LIN54: variants seen among roughly 807,000 people sequenced by gnomAD.
The protein encoded by LIN54 is protein lin-54 homolog.
LIN54 carries 9 observed loss-of-function variants against 78.7 expected under a neutral mutation model. The observed-to-expected ratio is 0.11, with a 90% CI of 0.07 to 0.20. The LOEUF (loss-of-function observed/expected upper bound fraction) is 0.20. Ranked by LOEUF, LIN54 falls within the 10% of genes least tolerant of loss-of-function variation. The probability of loss-of-function intolerance (pLI) is 1.00; values close to 1 mark genes in which losing one functional copy is unlikely to be tolerated. For synonymous variants in LIN54, 269 were observed against 318.4 expected (o/e 0.84, Z 1.65); for missense variants, 573 against 889.9 (o/e 0.64, Z 4.53).
chr4:82,928,416 AT>A (rs1721663134), intron 12 of LIN54, 113 bp from the exon 13 acceptor site: 1 of 838,210 alleles, frequency 1.2e-6, no homozygotes, highest in Non-Finnish European at 2.0e-6. Flanking sequence ...CACCAGCAGG[AT>A]GAGCATCACA....
intron 11 of LIN54, 39 bp downstream of exon 11, chr4:82,935,940 CTG>C (rs1722361835): frequency 1.3e-6 from 2 of 1,596,834 alleles, no homozygotes; most frequent in African/African-American, 2.7e-5. Context: ...CTTTCTAAAA[CTG>C]TTTTTAAAAG....
chr4:82,946,486 T>C lies in LIN54; in HGVS notation c.952-12A>G. 6.3e-7 allele frequency: 1 copy of C among 1,583,124 alleles called. No homozygotes were observed. Among genetic ancestry groups the C allele is most frequent in the Non-Finnish European group, 8.7e-7 (1 of 1,151,842 alleles). On this transcript the variant is annotated splice_polypyrimidine_tract_variant and intron_variant, in intron 4 of 12. Coordinates refer to ENST00000340417, the MANE Select transcript of LIN54 (RefSeq NM_194282.4). Reference sequence around the variant, plus strand: ...GTTGATTTCACTGCCTATTAAACAATACAACATGGCTGTCATTAATCTGGG... The same window carrying C: ...GTTGATTTCACTGCCTATTAAACAACACAACATGGCTGTCATTAATCTGGG...
intron 1 of LIN54, chr4:83,003,485 G>A (rs1263435066): frequency 6.6e-6 from 1 of 152,138 alleles, no homozygotes; most frequent in Middle Eastern, 3.4e-3. Context: ...GCACAAGGAC[G>A]ACATGCAAAT....
In LIN54 at chr4:83,010,676, A is replaced by ACGTCGC; in HGVS notation, c.-231_-226dup. ...GACCGAGAAGGGAGCCGGGGTGGCGACGTCGCCGTCGCCGCCGCCTCTGGT... is the reference window on the plus strand; with the variant it reads ...GACCGAGAAGGGAGCCGGGGTGGCGACGTCGCCGTCGCCGTCGCCGCCGCCTCTGGT... On this transcript the variant is annotated 5_prime_UTR_variant, in exon 1 of 13. Coordinates refer to ENST00000340417, the MANE Select transcript of LIN54 (RefSeq NM_194282.4). 2 of 1,109,530 alleles carry ACGTCGC rather than the reference A, an allele frequency of 1.8e-6. No homozygotes were observed. Among genetic ancestry groups the ACGTCGC allele is most frequent in the Non-Finnish European group, 2.2e-6 (2 of 909,866 alleles). 68.7% of individuals were successfully genotyped at this position (1,109,530 alleles called of 1,614,324 possible). A position where few individuals can be genotyped will look rare whatever the true frequency, so the allele number is the denominator to read the frequency against.
rs774298762 is a variant in LIN54 at position 82,939,940 on chromosome 4, T to C, written c.1191A>G (p.Thr397=). ...TTGGAACTGACATCCGCACTGGGGT[T>C]GTATTAACAACCACTGGCTTTGCTT... ...LQQAKPVVVN[T]TPVRMSVPIV... is the part of the protein sequence containing the mutation. The change falls in exon 6 of 13, where the codon ACA becomes ACG. Residue 397 remains threonine (T), a synonymous_variant. Coordinates refer to ENST00000340417, the MANE Select transcript of LIN54 (RefSeq NM_194282.4). The C allele has an allele frequency of 6.2e-7, 1 of 1,607,816 alleles. No individual in the cohort carries two copies. The highest frequency in any genetic ancestry group is 8.5e-7 in the Non-Finnish European group (1 of 1,178,290).
At chr4:82,964,892 G>A in intron 4 of LIN54, among the ~76,000 whole-genome samples, 1 of 152,104 alleles carries the variant, frequency 6.6e-6, no homozygotes, top group East Asian at 1.9e-4. Flanking sequence ...TAGCTACTGG[G>A]GAAGCTGAGG....
chr4:82,952,428 C>T (rs2126051447), intron 4 of LIN54, among the ~76,000 whole-genome samples: 1 of 152,246 alleles, frequency 6.6e-6, no homozygotes, highest in African/African-American at 2.4e-5. Flanking sequence ...AAGATACTAC[C>T]TCACATCCAT....
intron 1 of LIN54, among the ~76,000 whole-genome samples, chr4:82,992,602 C>G (rs1345915717): frequency 6.6e-6 from 1 of 152,168 alleles, no homozygotes; most frequent in African/African-American, 2.4e-5. Context: ...GCAAGCAAAC[C>G]ACGACACAGT....
chr4:82,954,378 A>T (rs1169163163), intron 4 of LIN54, among the ~76,000 whole-genome samples: 2 of 150,178 alleles, frequency 1.3e-5, no homozygotes, highest in Non-Finnish European at 3.0e-5. Flanking sequence ...AATAATTTTT[A>T]AAAATACAAA....
At chr4:82,935,887 C>A in intron 11 of LIN54, 94 bp downstream of exon 11, 2 of 1,251,878 alleles carry the variant, frequency 1.6e-6, no homozygotes, top group Non-Finnish European at 2.3e-6. Context: ...ATTGCAATAG[C>A]AAGGTGATTT....
intron 2 of LIN54, among the ~76,000 whole-genome samples, chr4:82,982,129 A>G (rs186138385): frequency 3.3e-5 from 5 of 152,310 alleles, no homozygotes; most frequent in Admixed American, 2.6e-4. Flanking sequence ...AAGTAGAGAA[A>G]TAATAGATAC....
rs757261177 is a variant in LIN54, at chr4:82,984,809, A to C, written c.36T>G (p.Leu12=). ...EVVPAEVNSL[L]PEEIMDTGIT... ...TACCAGTGTCCATTATTTCCTCTGG[A>C]AGCAAACTATTCACCTCAGCTGGCA... Residue 12 remains leucine (L), a synonymous_variant, in exon 2 of 13, where the codon CTT becomes CTG. Coordinates refer to ENST00000340417, the MANE Select transcript of LIN54 (RefSeq NM_194282.4). 3.1e-6 allele frequency: 5 copies of C among 1,613,384 alleles called. No individual in the cohort carries two copies.
At chr4:82,987,723 T>C (rs987068411) in intron 1 of LIN54, among the ~76,000 whole-genome samples, 1 of 152,256 alleles carries the variant, frequency 6.6e-6, no homozygotes, top group Non-Finnish European at 1.5e-5. Flanking sequence ...TTCCTTTTTA[T>C]GGCTGCATAG....
intron 4 of LIN54, among the ~76,000 whole-genome samples, chr4:82,948,567 T>TA (rs1723595762): frequency 6.6e-6 from 1 of 152,248 alleles, no homozygotes; most frequent in African/African-American, 2.4e-5. Context: ...CAAGGGCAGT[T>TA]AAAATCTACT....
chr4:82,948,444 A>G (rs1049418941), intron 4 of LIN54, among the ~76,000 whole-genome samples: 1 of 152,230 alleles, frequency 6.6e-6, no homozygotes, highest in African/African-American at 2.4e-5. Context: ...TATTTAAGGT[A>G]TATCACATGA....
intron 1 of LIN54, among the ~76,000 whole-genome samples, chr4:83,000,840 T>TTTTTTTTTTTTTTTG (rs70943183): frequency 6.7e-6 from 1 of 150,236 alleles, no homozygotes; most frequent in African/African-American, 2.5e-5. Context: ...TTTTTTTTTT[T>TTTTTTTTTTTTTTTG]GGAGATAGAG....
intron 1 of LIN54, among the ~76,000 whole-genome samples, chr4:83,002,663 G>A (rs957821978): frequency 1.3e-5 from 2 of 152,156 alleles, no homozygotes; most frequent in African/African-American, 2.4e-5. Flanking sequence ...AGACAAGGAT[G>A]AGGACCTTTA....
chr4:83,001,811 G>C (rs1728799669), intron 1 of LIN54, among the ~76,000 whole-genome samples: 1 of 138,688 alleles, frequency 7.2e-6, no homozygotes, highest in Non-Finnish European at 1.5e-5. Context: ...TCGCACCACT[G>C]CACTCCAGCC....
chr4:83,009,517 A>T (rs935022251), intron 1 of LIN54, among the ~76,000 whole-genome samples: 3 of 152,212 alleles, frequency 2.0e-5, no homozygotes, highest in Non-Finnish European at 2.9e-5. Context: ...TTTCTGTAAC[A>T]CTAGTGTTGT....
Sources: allele counts gnomAD v4.1 joint callset (sites outside exome capture counted in the v4.1 genomes callset), GRCh38; gene constraint gnomAD v4.1.1; transcripts MANE v1.5; gene names NCBI Gene and HGNC (gene_info 2026-07-23, HGNC 2026-07-21).